PACRG: variants seen among roughly 807,000 people sequenced by gnomAD.
PACRG encodes the protein parkin coregulated gene protein.
In PACRG, 29 loss-of-function variants were observed where a neutral mutation model predicts 29.7. That is an observed-to-expected ratio of 0.98 (90% confidence interval 0.73 to 1.33). The LOEUF (loss-of-function observed/expected upper bound fraction) is 1.33, where lower values mean the gene tolerates loss of function less well. Ranked by LOEUF, PACRG falls within the 40% of genes most tolerant of loss-of-function variation. The pLI, the probability that PACRG is intolerant of heterozygous loss-of-function variation, is 0.00. For missense variants in PACRG, 279 were observed against 316.2 expected (o/e 0.88, Z 0.89); for synonymous variants, 116 against 118.7 (o/e 0.98, Z 0.15).
chr6:163,192,947 C>G (rs1484419912), intron 4 of PACRG, among the ~76,000 whole-genome samples: 1 of 152,170 alleles, frequency 6.6e-6, no homozygotes, highest in African/African-American at 2.4e-5. Context: ...ATGCCCGATA[C>G]TTCTTACCAT....
intron 2 of PACRG, among the ~76,000 whole-genome samples, chr6:162,922,312 C>T (rs1797123115): frequency 6.7e-6 from 1 of 149,558 alleles, no homozygotes; most frequent in African/African-American, 2.5e-5. Context: ...TCCAGACCTC[C>T]CTTTCCTCAG....
intron 4 of PACRG, among the ~76,000 whole-genome samples, chr6:163,221,924 C>T (rs998087706): frequency 5.9e-5 from 9 of 152,242 alleles, no homozygotes; most frequent in Admixed American, 4.6e-4. Flanking sequence ...TTTTCTAATC[C>T]GCAGCTCTGG....
At chr6:162,968,277 GT>G (rs1801218217) in intron 2 of PACRG, among the ~76,000 whole-genome samples, 1 of 152,118 alleles carries the variant, frequency 6.6e-6, no homozygotes, top group East Asian at 1.9e-4. Context: ...AATAGCATTG[GT>G]TGTTCAAAAT....
At chr6:162,752,429 A>G (rs1235326751) in intron 1 of PACRG, among the ~76,000 whole-genome samples, 1 of 152,192 alleles carries the variant, frequency 6.6e-6, no homozygotes, top group African/African-American at 2.4e-5. Flanking sequence ...CTGTTGGACC[A>G]GTATCCAGTA....
chr6:163,134,985 T>C (rs955515450), intron 4 of PACRG, among the ~76,000 whole-genome samples: 2 of 152,222 alleles, frequency 1.3e-5, no homozygotes, highest in Non-Finnish European at 2.9e-5. Context: ...ATGAGTTTCC[T>C]GAAATCATTC....
intron 2 of PACRG, among the ~76,000 whole-genome samples, chr6:162,893,429 C>G (rs1584683136): frequency 6.6e-6 from 1 of 152,178 alleles, no homozygotes; most frequent in Non-Finnish European, 1.5e-5. Flanking sequence ...GTGCGTTTTA[C>G]CAGCAGATCA....
chr6:162,902,582 C>A (rs1350904504), intron 2 of PACRG, among the ~76,000 whole-genome samples: 7 of 152,184 alleles, frequency 4.6e-5, no homozygotes. Context: ...TCAGGGCTTG[C>A]TATCCCGACA....
chr6:162,818,732 T>G (rs1787570661), intron 2 of PACRG, among the ~76,000 whole-genome samples: 1 of 152,148 alleles, frequency 6.6e-6, no homozygotes, highest in African/African-American at 2.4e-5. Context: ...TTGATACAGG[T>G]CATCTTTCTC....
At chr6:163,151,245 T>C (rs898218446) in intron 4 of PACRG, among the ~76,000 whole-genome samples, 8 of 152,190 alleles carry the variant, frequency 5.3e-5, no homozygotes, top group Admixed American at 5.2e-4. Context: ...GCCCGGATCT[T>C]GGTTTTTGTT....
At chr6:162,774,079 C>A (rs1015331433) in intron 1 of PACRG, among the ~76,000 whole-genome samples, 7 of 152,142 alleles carry the variant, frequency 4.6e-5, no homozygotes, top group African/African-American at 1.7e-4. Flanking sequence ...CATATTTACT[C>A]CCACATTACA....
chr6:163,184,889 G>C (rs1303483305), intron 4 of PACRG: 1 of 152,186 alleles, frequency 6.6e-6, no homozygotes, highest in African/African-American at 2.4e-5. Context: ...GGAATGATAA[G>C]AGGAGAACAA....
At chr6:162,896,584 T>C (rs536457910) in intron 2 of PACRG, among the ~76,000 whole-genome samples, 2 of 152,326 alleles carry the variant, frequency 1.3e-5, no homozygotes, top group African/African-American at 4.8e-5. Context: ...GGGAAAACTA[T>C]GATAGGAAGG....
At chr6:162,899,004 A>G (rs1795362367) in intron 2 of PACRG, among the ~76,000 whole-genome samples, 1 of 152,328 alleles carries the variant, frequency 6.6e-6, no homozygotes, top group South Asian at 2.1e-4. Context: ...GTGAGTTTAA[A>G]TTTCACCAGG....
intron 4 of PACRG, among the ~76,000 whole-genome samples, chr6:163,098,403 A>G (rs1356778682): frequency 6.6e-6 from 1 of 152,084 alleles, no homozygotes; most frequent in Non-Finnish European, 1.5e-5. Context: ...TCCTTTCAGT[A>G]ACCTCCCCTG....
chr6:162,807,950 A>T (rs926352750), intron 1 of PACRG, among the ~76,000 whole-genome samples: 5 of 152,204 alleles, frequency 3.3e-5, no homozygotes, highest in African/African-American at 1.2e-4. Flanking sequence ...AAATTCTTAA[A>T]TTGTTATATT....
intron 2 of PACRG, among the ~76,000 whole-genome samples, chr6:162,890,267 A>T (rs1794658239): frequency 6.6e-6 from 1 of 152,186 alleles, no homozygotes; most frequent in Non-Finnish European, 1.5e-5. Flanking sequence ...AAATGTGTTT[A>T]TGCCTCTTGG....
Position 163,301,334 on chromosome 6 carries a change from G to T in PACRG, c.614-13493G>T, listed in dbSNP as rs745558911. ...GAAGAGCCAGTCTTTTCCCCATTCAGTTAAGCACCAACATATTGAACTATA... is the reference window on the plus strand; with the variant it reads ...GAAGAGCCAGTCTTTTCCCCATTCATTTAAGCACCAACATATTGAACTATA... On this transcript the variant is annotated intron_variant, in intron 4 of 4. Coordinates refer to ENST00000366888, the MANE Select transcript of PACRG (RefSeq NM_001080379.2). Among the ~76,000 whole-genome samples, 9 of 152,212 alleles carry T rather than the reference G, an allele frequency of 5.9e-5. 1 individual carries two copies. Among genetic ancestry groups the T allele is most frequent in the African/African-American group, 9.6e-5 (4 of 41,452 alleles).
At chr6:162,760,995 G>A (rs111574051) in intron 1 of PACRG, among the ~76,000 whole-genome samples, 26 of 152,288 alleles carry the variant, frequency 1.7e-4, no homozygotes, top group African/African-American at 6.0e-4. Context: ...CTGATGGCTT[G>A]GCCGGGCAGG....
At chr6:163,283,757 T>C (rs543892754) in intron 4 of PACRG, among the ~76,000 whole-genome samples, 1,616 of 145,640 alleles carry the variant, frequency 0.011, 32 homozygotes, top group African/African-American at 0.04. Context: ...GCCGAGATTG[T>C]GCCACTGCAG....
Sources: allele counts gnomAD v4.1 joint callset (sites outside exome capture counted in the v4.1 genomes callset), GRCh38; gene constraint gnomAD v4.1.1; transcripts MANE v1.5; gene names NCBI Gene and HGNC (gene_info 2026-07-23, HGNC 2026-07-21).